NRXN3: variants seen among roughly 807,000 people sequenced by gnomAD.
NRXN3 encodes the protein neurexin 3.
In NRXN3, 32 loss-of-function variants were observed where a neutral mutation model predicts 137.6. That is an observed-to-expected ratio of 0.23 (90% CI 0.18 to 0.31). The LOEUF (loss-of-function observed/expected upper bound fraction) is 0.31. Among genes scored for constraint, NRXN3 ranks in the 10% least tolerant of loss-of-function variants. NRXN3 has a pLI of 1.00. For synonymous variants in NRXN3, 798 were observed against 784.5 expected (o/e 1.02, Z -0.29); for missense variants, 1,574 against 2,062.5 (o/e 0.76, Z 4.59).
At chr14:79,830,204 A>C (rs2099318660) in intron 20 of NRXN3, among the ~76,000 whole-genome samples, 1 of 152,180 alleles carries the variant, frequency 6.6e-6, no homozygotes, top group African/African-American at 2.4e-5. Flanking sequence ...ATAGTACCTT[A>C]GTTGTAACTT....
intron 15 of NRXN3, among the ~76,000 whole-genome samples, chr14:79,100,665 A>G (rs541117425): frequency 6.6e-6 from 1 of 152,322 alleles, no homozygotes; most frequent in African/African-American, 2.4e-5. Flanking sequence ...GGTTGCATTC[A>G]GTCTAGGCTA....
chr14:78,471,174 A>T (rs897286900), intron 4 of NRXN3, among the ~76,000 whole-genome samples: 1 of 152,132 alleles, frequency 6.6e-6, no homozygotes, highest in African/African-American at 2.4e-5. Context: ...TCTCATAAAA[A>T]TCAACAAGCT....
At chr14:78,534,008 AG>A (rs2096503893) in intron 4 of NRXN3, among the ~76,000 whole-genome samples, 1 of 152,234 alleles carries the variant, frequency 6.6e-6, no homozygotes, top group Non-Finnish European at 1.5e-5. Context: ...GAAGAAATTC[AG>A]GCTTTTCCCC....
intron 10 of NRXN3, among the ~76,000 whole-genome samples, chr14:78,826,473 C>A (rs60589030): frequency 3.9e-5 from 6 of 152,260 alleles, no homozygotes; most frequent in African/African-American, 1.4e-4. Context: ...AACATGCACA[C>A]GCATAAATTC....
At chr14:79,332,319 G>A (rs373866583) in intron 15 of NRXN3, among the ~76,000 whole-genome samples, 3 of 152,124 alleles carry the variant, frequency 2.0e-5, no homozygotes, top group African/African-American at 7.2e-5. Context: ...TGTAGCCTTG[G>A]TCATATCAAG....
chr14:79,607,615 T>C (rs912726749), intron 16 of NRXN3, among the ~76,000 whole-genome samples: 1 of 152,138 alleles, frequency 6.6e-6, no homozygotes, highest in African/African-American at 2.4e-5. Context: ...GGAATAAACA[T>C]TTTCAGGACC....
intron 4 of NRXN3, among the ~76,000 whole-genome samples, chr14:78,620,604 T>C (rs2097394391): frequency 6.6e-6 from 1 of 152,226 alleles, no homozygotes; most frequent in Non-Finnish European, 1.5e-5. Flanking sequence ...AATCAGAATA[T>C]AGAGGAAGAT....
intron 4 of NRXN3, among the ~76,000 whole-genome samples, chr14:78,345,831 C>T (rs979870028): frequency 2.0e-5 from 3 of 152,086 alleles, no homozygotes; most frequent in Non-Finnish European, 4.4e-5. Flanking sequence ...TTGACAATAC[C>T]GAGGGAAACT....
intron 8 of NRXN3, among the ~76,000 whole-genome samples, chr14:78,800,615 G>T (rs917426353): frequency 1.3e-5 from 2 of 152,168 alleles, no homozygotes; most frequent in Non-Finnish European, 2.9e-5. Flanking sequence ...CATGTCATGA[G>T]TTTTACCTGG....
At chr14:79,492,875 C>T (rs1485382159) in intron 16 of NRXN3, among the ~76,000 whole-genome samples, 4 of 152,188 alleles carry the variant, frequency 2.6e-5, no homozygotes, top group Admixed American at 1.3e-4. Context: ...AGCATCTCAC[C>T]TGTTTCCTTC....
In NRXN3 at chr14:79,643,489, G is replaced by GT. The variant is rs1312732558; in HGVS notation, c.3445-20281dup. On this transcript the variant is annotated intron_variant, in intron 16 of 20. Coordinates refer to ENST00000335750, the MANE Select transcript of NRXN3 (RefSeq NM_001330195.2). ...TACTGAAATATATGTAAGATTTTGG[G>GT]TTTTTTTTCTGGTCATTTTGCTCAA... Among the ~76,000 whole-genome samples the GT allele has an allele frequency of 9.0e-5, 12 of 133,974 alleles. 1 individual carries two copies. Among genetic ancestry groups the GT allele is most frequent in the African/African-American group, 2.0e-4 (8 of 40,578 alleles). The allele number at this position is 133,974 out of a possible 152,430, so 87.9% of individuals were successfully genotyped here. A position where few individuals can be genotyped will look rare whatever the true frequency, so the allele number is the denominator to read the frequency against.
At chr14:78,432,082 C>T (rs181168940) in intron 4 of NRXN3, among the ~76,000 whole-genome samples, 40 of 152,074 alleles carry the variant, frequency 2.6e-4, no homozygotes, top group Middle Eastern at 3.2e-3. Context: ...ATGAGACCTC[C>T]AGGAGAAGAG....
intron 10 of NRXN3, among the ~76,000 whole-genome samples, chr14:78,937,196 A>G (rs2099343686): frequency 6.6e-6 from 1 of 151,762 alleles, no homozygotes; most frequent in Non-Finnish European, 1.5e-5. Context: ...AAAAAAAAAA[A>G]AAAAAAGAAA....
At chr14:78,776,844 T>G (rs1015619535) in intron 8 of NRXN3, among the ~76,000 whole-genome samples, 1 of 152,194 alleles carries the variant, frequency 6.6e-6, no homozygotes, top group African/African-American at 2.4e-5. Flanking sequence ...AGAGACCAAC[T>G]GGAGAGTGTA....
intron 4 of NRXN3, among the ~76,000 whole-genome samples, chr14:78,330,558 A>G (rs937394171): frequency 2.6e-5 from 4 of 152,198 alleles, no homozygotes; most frequent in Admixed American, 6.5e-5. Flanking sequence ...GAGCTAATCT[A>G]AAACTCAGGT....
chr14:79,304,399 C>G (rs534517578), intron 15 of NRXN3, among the ~76,000 whole-genome samples: 1 of 152,106 alleles, frequency 6.6e-6, no homozygotes, highest in Non-Finnish European at 1.5e-5. Flanking sequence ...TAGTGAGCAA[C>G]AGTAAAAAGT....
Position 79,272,440 on chromosome 14 carries a change from A to T in NRXN3, c.3263-194781A>T, listed in dbSNP as rs8009309. On this transcript the variant is annotated intron_variant, in intron 15 of 20. Transcript: ENST00000335750. ...CAGAGGTACAGTCACAATCACTTTT[A>T]AAAAAATGTTGAATAATAATGAAAT... is the stretch of plus-strand genomic sequence containing the variant. Among the ~76,000 whole-genome samples the T allele has an allele frequency of 9.2e-3, 1,407 of 152,226 alleles. 25 individuals carry two copies. The highest frequency in any genetic ancestry group is 0.033 in the African/African-American group (1,365 of 41,540).
intron 19 of NRXN3, among the ~76,000 whole-genome samples, chr14:79,727,344 T>A (rs2098896951): frequency 6.6e-6 from 1 of 152,170 alleles, no homozygotes; most frequent in African/African-American, 2.4e-5. Flanking sequence ...AGGTATAGAA[T>A]TCTTCCTGCC....
intron 16 of NRXN3, among the ~76,000 whole-genome samples, chr14:79,565,325 G>GTGTA (rs1555527097): frequency 7.9e-5 from 11 of 139,482 alleles, no homozygotes; most frequent in Admixed American, 2.8e-4. Context: ...ACATGTGTGT[G>GTGTA]TATATATATA....
Sources: gnomAD v4.1 joint callset for allele counts (sites outside exome capture counted in the v4.1 genomes callset) on GRCh38, gnomAD v4.1.1 for gene constraint, MANE v1.5 for transcripts, NCBI Gene and HGNC (gene_info 2026-07-23, HGNC 2026-07-21) for gene names.